PEDS1: variants seen among roughly 807,000 people sequenced by gnomAD.
PEDS1 encodes CarF homolog.
A neutral mutation model predicts 35.2 loss-of-function variants in PEDS1; 14 were observed. The ratio of observed to expected loss-of-function variants is 0.40; its 90% CI spans 0.26 to 0.62. The LOEUF (loss-of-function observed/expected upper bound fraction) is 0.62, where lower values mean the gene tolerates loss of function less well. Among genes scored for constraint, PEDS1 ranks in the 20% least tolerant of loss-of-function variants. The pLI is 0.44. For missense variants in PEDS1, 260 were observed against 367.8 expected (o/e 0.71, Z 2.40); for synonymous variants, 152 against 152.0 (o/e 1.00, Z 0.00).
Position 50,118,476 on chromosome 20 carries a change from C to T in PEDS1, c.*6582G>A, listed in dbSNP as rs1172680708. 2 of 152,162 alleles carry T rather than the reference C, an allele frequency of 1.3e-5. No homozygotes were observed. The highest frequency in any genetic ancestry group is 4.8e-5 in the African/African-American group (2 of 41,426). The allele number at this position is 152,162 out of a possible 1,614,324, so 9.4% of individuals were successfully genotyped here. A position where few individuals can be genotyped will look rare whatever the true frequency, so the allele number is the denominator to read the frequency against. ...TGGGATTTGAACCCTACACTCTTAACCAATGCTACCCTCCCTTCCAAGAAA... is the reference window on the plus strand; with the variant it reads ...TGGGATTTGAACCCTACACTCTTAATCAATGCTACCCTCCCTTCCAAGAAA... On this transcript the variant is annotated 3_prime_UTR_variant, in exon 6 of 6. Coordinates refer to ENST00000371652, the MANE Select transcript of PEDS1 (RefSeq NM_199129.4).
intron 1 of PEDS1, among the ~76,000 whole-genome samples, chr20:50,149,843 C>T (rs887437230): frequency 2.0e-5 from 3 of 152,170 alleles, no homozygotes; most frequent in Non-Finnish European, 2.9e-5. Flanking sequence ...CCTAGCGCAC[C>T]CCCACCCGGC....
intron 1 of PEDS1, among the ~76,000 whole-genome samples, chr20:50,151,994 G>A (rs1430910255): frequency 6.6e-6 from 1 of 152,164 alleles, no homozygotes; most frequent in African/African-American, 2.4e-5. Context: ...AACTTGCAAG[G>A]AAACCAAGGG....
chr20:50,128,475 G>A lies in PEDS1; in HGVS notation c.479-288C>T, dbSNP rs1386897395. 1.3e-5 allele frequency among the ~76,000 whole-genome samples: 2 copies of A among 152,208 alleles called. No homozygotes were observed. Among genetic ancestry groups the A allele is most frequent in the Non-Finnish European group, 2.9e-5 (2 of 68,046 alleles). On this transcript the variant is annotated intron_variant, in intron 4 of 5. Coordinates refer to ENST00000371652, the MANE Select transcript of PEDS1 (RefSeq NM_199129.4). This position sits in a 1 kb window ranked among gnomAD's most constrained non-coding sequence, Gnocchi z 5.2. The stretch of plus-strand genomic sequence containing the variant: ...CTGGAGCTGGGTTCCGATCTCTGCC[G>A]ACATTTCTTGGCAGTATGGGCTGGA...
chr20:50,153,113 T>C (rs1156914793), intron 1 of PEDS1, among the ~76,000 whole-genome samples: 4 of 144,656 alleles, frequency 2.8e-5, no homozygotes, highest in African/African-American at 1.0e-4. Flanking sequence ...TTTAGGGGCC[T>C]GAGGGCAGTG....
At chr20:50,127,929 G>C in intron 5 of PEDS1, 46 bp downstream of exon 5, 4 of 1,593,998 alleles carry the variant, frequency 2.5e-6, no homozygotes, top group Non-Finnish European at 3.4e-6. Context: ...AGATGGTGCA[G>C]TGGCTGGGGT....
rs568114487 is a variant in PEDS1 at position 50,136,835 on chromosome 20, AGTACC to A, written c.242-5893_242-5889del. Among the ~76,000 whole-genome samples the A allele has an allele frequency of 1.7e-4, 26 of 151,998 alleles. 1 individual carries two copies. The South Asian group carries it at 5.4e-3, about 32-fold the overall frequency. On this transcript the variant is annotated intron_variant, in intron 2 of 5. Transcript: ENST00000371652. ...GAGGATTGCTTGAGTCCTGGAGTTC[AGTACC>A]AGCCTGGGCAACACAGCGAAACCCT...
chr20:50,145,158 C>T (rs2081333092), intron 1 of PEDS1, among the ~76,000 whole-genome samples: 1 of 151,950 alleles, frequency 6.6e-6, no homozygotes, highest in African/African-American at 2.4e-5. Flanking sequence ...GCTGAGATGG[C>T]ACCACTGCAC....
chr20:50,146,883 G>A (rs2081350656), intron 1 of PEDS1, among the ~76,000 whole-genome samples: 1 of 152,148 alleles, frequency 6.6e-6, no homozygotes, highest in South Asian at 2.1e-4. Flanking sequence ...CCCAGCAGCC[G>A]CCCCAGCCTG....
At chr20:50,140,657 G>A (rs909621015) in intron 2 of PEDS1, among the ~76,000 whole-genome samples, 7 of 152,100 alleles carry the variant, frequency 4.6e-5, no homozygotes, top group South Asian at 4.1e-4. Context: ...GGCCTTTCCC[G>A]CCTACCCGCT....
chr20:50,134,251 G>A (rs2081209306), intron 2 of PEDS1, among the ~76,000 whole-genome samples: 1 of 152,186 alleles, frequency 6.6e-6, no homozygotes, highest in South Asian at 2.1e-4. Flanking sequence ...GGCTGGGCTG[G>A]AGCACAGTGC....
intron 2 of PEDS1, among the ~76,000 whole-genome samples, chr20:50,131,428 C>G (rs1341446010): frequency 6.6e-6 from 1 of 151,966 alleles, no homozygotes. Flanking sequence ...TCGAGAATAG[C>G]CTGACCAATA....
intron 5 of PEDS1, among the ~76,000 whole-genome samples, chr20:50,125,694 A>G (rs2081095476): frequency 6.6e-6 from 1 of 152,070 alleles, no homozygotes; most frequent in African/African-American, 2.4e-5. Flanking sequence ...CCCGGGTTCA[A>G]GTGACTCTCC....
At chr20:50,153,381 C>T (rs1339131264) in intron 1 of PEDS1, 136 bp downstream of exon 1, 2 of 1,219,214 alleles carry the variant, frequency 1.6e-6, no homozygotes, top group Non-Finnish European at 2.1e-6. Context: ...GTGGGGTCCC[C>T]GAACTTGCTA....
rs1343639088 is a variant in PEDS1, at chr20:50,127,988, G to A, written c.678C>T (p.Phe226=). The change falls in exon 5 of 6, where the codon TTC becomes TTT. Residue 226 remains phenylalanine (F), a synonymous_variant. Transcript: ENST00000371652. ...TGGTGGCCGCACCTGTGGTGATGCA[G>A]AAGTAGGTCTCGTGGGGTGAGACGT... ...IHHVSPHETY[F]CITTGWLNYP... 11 of 1,613,934 alleles carry A rather than the reference G, an allele frequency of 6.8e-6. No homozygotes were observed. Among genetic ancestry groups the A allele is most frequent in the Non-Finnish European group, 9.3e-6 (11 of 1,179,984 alleles).
chr20:50,134,902 G>T (rs1424445442), intron 2 of PEDS1, among the ~76,000 whole-genome samples: 2 of 152,218 alleles, frequency 1.3e-5, no homozygotes, highest in Non-Finnish European at 2.9e-5. Flanking sequence ...GGTCAGGCAG[G>T]CCGGGCACGG....
intron 2 of PEDS1, 40 bp from the exon 3 acceptor site, chr20:50,130,987 C>A: frequency 6.2e-7 from 1 of 1,614,140 alleles, no homozygotes; most frequent in Non-Finnish European, 8.5e-7. Context: ...TCCCTGCACC[C>A]CCCCAATCAG....
At position 50,143,618 on chromosome 20, in the gene PEDS1, T is replaced by C; in HGVS notation, c.125A>G (p.Lys42Arg). 6 of 1,613,818 alleles carry C rather than the reference T, an allele frequency of 3.7e-6. No homozygotes were observed. Among genetic ancestry groups the C allele is most frequent in the Non-Finnish European group, 5.1e-6 (6 of 1,179,896 alleles). The change falls in exon 2 of 6, where the codon AAG becomes AGG. Residue 42 changes from lysine (K) to arginine (R), a missense_variant. Coordinates refer to ENST00000371652, the MANE Select transcript of PEDS1 (RefSeq NM_199129.4). ...CACAGAGCACCACTCCTGGAGGCGC[T>C]TGCCTGCAGGGAGCAGAGGCGAGAG... ...RELAALYSPG[K>R]RLQEWCSVIL... is the part of the protein sequence containing the mutation.
intron 2 of PEDS1, chr20:50,131,149 G>T: frequency 7.6e-7 from 1 of 1,319,780 alleles, no homozygotes; most frequent in Non-Finnish European, 1.1e-6. Flanking sequence ...TCGGGGAGAT[G>T]CCAAGACTCA....
intron 1 of PEDS1, among the ~76,000 whole-genome samples, chr20:50,149,484 C>T (rs910375726): frequency 1.3e-5 from 2 of 152,162 alleles, no homozygotes; most frequent in Admixed American, 1.3e-4. Context: ...GCTGGCCAGG[C>T]CCTTCACAAA....
Sources: allele counts gnomAD v4.1 joint callset (sites outside exome capture counted in the v4.1 genomes callset), GRCh38; gene constraint gnomAD v4.1.1; non-coding constraint Gnocchi (gnomAD v3.1); transcripts MANE v1.5; gene names NCBI Gene and HGNC (gene_info 2026-07-23, HGNC 2026-07-21).